Variants in CDH4 observed in about 807,000 individuals in gnomAD.
CDH4 encodes cadherin 4.
CDH4 carries 33 observed loss-of-function variants against 86.0 expected under a neutral mutation model. That is an observed-to-expected ratio of 0.38 (90% CI 0.29 to 0.51). The LOEUF is 0.51. Ranked by LOEUF, CDH4 falls within the 20% of genes least tolerant of loss-of-function variation. The pLI, the probability that CDH4 is intolerant of heterozygous loss-of-function variation, is 0.86. For missense variants in CDH4, 1,114 were observed against 1,307.4 expected (o/e 0.85, Z 2.28); for synonymous variants, 555 against 549.4 (o/e 1.01, Z -0.14).
At chr20:61,264,883 C>G (rs1411841381) in intron 2 of CDH4, among the ~76,000 whole-genome samples, 3 of 145,184 alleles carry the variant, frequency 2.1e-5, no homozygotes, top group African/African-American at 7.8e-5. Context: ...CAGTCCTACA[C>G]ATACCCCAGT....
chr20:61,557,150 C>G (rs554483960), intron 2 of CDH4, among the ~76,000 whole-genome samples: 3 of 152,154 alleles, frequency 2.0e-5, no homozygotes, highest in Non-Finnish European at 4.4e-5. Context: ...GGGATTGATG[C>G]TGGAGTGGAC....
chr20:61,666,461 A>G (rs2087325563), intron 2 of CDH4, among the ~76,000 whole-genome samples: 1 of 152,190 alleles, frequency 6.6e-6, no homozygotes, highest in Non-Finnish European at 1.5e-5. Flanking sequence ...CATCAATGCT[A>G]TGACTTCCAT....
intron 2 of CDH4, among the ~76,000 whole-genome samples, chr20:61,357,499 T>C (rs1400042014): frequency 6.6e-6 from 1 of 152,210 alleles, no homozygotes; most frequent in Non-Finnish European, 1.5e-5. Flanking sequence ...AGCTCTTCAC[T>C]CTGATGGTGA....
chr20:61,304,555 A>G (rs1446994315), intron 2 of CDH4, among the ~76,000 whole-genome samples: 1 of 151,420 alleles, frequency 6.6e-6, no homozygotes, highest in Non-Finnish European at 1.5e-5. Flanking sequence ...TGTGTTTTGT[A>G]TGTTTTGAAC....
rs934672279 is a variant in CDH4 at position 61,386,690 on chromosome 20, T to A, written c.169+131753T>A. 2.0e-5 allele frequency among the ~76,000 whole-genome samples: 3 copies of A among 152,340 alleles called. No individual in the cohort carries two copies. The South Asian group carries it at 6.2e-4, about 32-fold the overall frequency. On this transcript the variant is annotated intron_variant, in intron 2 of 15. Transcript: ENST00000614565. ...CCCTGGGGGTGACGGTGTCTTCTCA[T>A]CGGATTGTTTCAGGGTTAAGCAGGA... is the stretch of plus-strand genomic sequence containing the variant.
intron 2 of CDH4, among the ~76,000 whole-genome samples, chr20:61,707,028 C>A (rs2087838988): frequency 6.6e-6 from 1 of 152,244 alleles, no homozygotes; most frequent in South Asian, 2.1e-4. Context: ...CAACACTGTT[C>A]TGGAAGCTTC....
chr20:61,646,237 C>G (rs1234548611), intron 2 of CDH4, among the ~76,000 whole-genome samples: 1 of 152,058 alleles, frequency 6.6e-6, no homozygotes, highest in Non-Finnish European at 1.5e-5. Flanking sequence ...CCTGGATGTC[C>G]GTTCAGGAAC....
At chr20:61,302,486 T>TC (rs1555835024) in intron 2 of CDH4, among the ~76,000 whole-genome samples, 112 of 144,886 alleles carry the variant, frequency 7.7e-4, no homozygotes, top group African/African-American at 2.8e-3. Context: ...TGGCCTGGGT[T>TC]GGGGGGGGTC....
intron 2 of CDH4, among the ~76,000 whole-genome samples, chr20:61,607,510 A>G (rs748761480): frequency 1.3e-5 from 2 of 152,250 alleles, no homozygotes; most frequent in Non-Finnish European, 2.9e-5. Flanking sequence ...AAGAGGGAAC[A>G]TGAGGCTGAA....
chr20:61,753,522 A>G (rs992646623), intron 3 of CDH4, among the ~76,000 whole-genome samples: 1 of 152,202 alleles, frequency 6.6e-6, no homozygotes, highest in Non-Finnish European at 1.5e-5. Context: ...CAATTAGGAA[A>G]TGCAAATGAG....
chr20:61,458,149 C>T (rs1326920278), intron 2 of CDH4, among the ~76,000 whole-genome samples: 2 of 140,296 alleles, frequency 1.4e-5, no homozygotes, highest in Admixed American at 7.1e-5. Context: ...TGGTTATGGT[C>T]ATGATGTTGA....
At chr20:61,576,471 C>T (rs942502686) in intron 2 of CDH4, among the ~76,000 whole-genome samples, 6 of 152,160 alleles carry the variant, frequency 3.9e-5, no homozygotes, top group Non-Finnish European at 7.4e-5. Context: ...GCTGATTACC[C>T]ATCTCACCAG....
At chr20:61,714,363 A>G (rs1372792922) in intron 2 of CDH4, among the ~76,000 whole-genome samples, 4 of 152,108 alleles carry the variant, frequency 2.6e-5, no homozygotes, top group Admixed American at 6.5e-5. Context: ...CTATTCTTTA[A>G]CAGAACACCT....
intron 2 of CDH4, among the ~76,000 whole-genome samples, chr20:61,730,369 G>A (rs557690945): frequency 6.6e-6 from 1 of 152,186 alleles, no homozygotes; most frequent in South Asian, 2.1e-4. Flanking sequence ...CTGTGGCTTT[G>A]CCATTTTCAG....
intron 2 of CDH4, among the ~76,000 whole-genome samples, chr20:61,612,430 A>G: frequency 6.6e-6 from 1 of 152,038 alleles, no homozygotes; most frequent in East Asian, 1.9e-4. Flanking sequence ...CCTTTTTCTC[A>G]TAATAGGATG....
chr20:61,268,373 A>T (rs1162474851), intron 2 of CDH4, among the ~76,000 whole-genome samples: 2 of 152,214 alleles, frequency 1.3e-5, no homozygotes, highest in Admixed American at 1.3e-4. Flanking sequence ...GTGGGAGCCG[A>T]GTGGGACCTG....
In CDH4 at chr20:61,734,210, T is replaced by C. The variant is rs568824641; in HGVS notation, c.170-9353T>C. Among the ~76,000 whole-genome samples, 40 of 152,318 alleles carry C rather than the reference T, an allele frequency of 2.6e-4. No homozygotes were observed. In the East Asian group the frequency reaches 3.9e-3, roughly 15 times the overall value. ...TGAGACTGGGGGCTGGGGGGAGATG[T>C]GAAGTCACACACTAAGAAAATTATT... On this transcript the variant is annotated intron_variant, in intron 2 of 15. Transcript: ENST00000614565.
chr20:61,440,705 C>A (rs73318351), intron 2 of CDH4, among the ~76,000 whole-genome samples: 2,574 of 152,324 alleles, frequency 0.017, 81 homozygotes, highest in African/African-American at 0.058. Context: ...ACCAGGGCTG[C>A]AATGCCTGCT....
chr20:61,336,739 A>G (rs756748395), intron 2 of CDH4, among the ~76,000 whole-genome samples: 3 of 152,190 alleles, frequency 2.0e-5, no homozygotes, highest in Admixed American at 6.5e-5. Context: ...TTCATTGAGA[A>G]TCAGTTGAAG....
Sources: gnomAD v4.1 joint callset for allele counts (sites outside exome capture counted in the v4.1 genomes callset) on GRCh38, gnomAD v4.1.1 for gene constraint, MANE v1.5 for transcripts, NCBI Gene and HGNC (gene_info 2026-07-23, HGNC 2026-07-21) for gene names.